The following DTNB variants were observed in gnomAD, a reference collection of about 807,000 sequenced individuals.
DTNB encodes the protein DTN-B.
DTNB carries 63 observed loss-of-function variants against 90.7 expected under a neutral mutation model. The observed-to-expected ratio is 0.69, with a 90% confidence interval of 0.57 to 0.86. The LOEUF (loss-of-function observed/expected upper bound fraction) is 0.86, where lower values mean the gene tolerates loss of function less well. DTNB is among the 40% of genes least tolerant of loss of function. The probability of loss-of-function intolerance (pLI) is 0.00; values close to 1 mark genes in which losing one functional copy is unlikely to be tolerated. For missense variants in DTNB, 744 were observed against 807.1 expected (o/e 0.92, Z 0.95); for synonymous variants, 277 against 286.7 (o/e 0.97, Z 0.34).
chr2:25,599,688 A>G (rs916641286), intron 5 of DTNB, among the ~76,000 whole-genome samples: 3 of 152,180 alleles, frequency 2.0e-5, no homozygotes, highest in African/African-American at 4.8e-5. Flanking sequence ...GTTAGAAACA[A>G]TATTTGACCA....
chr2:25,452,568 C>G (rs2059439455), intron 11 of DTNB, among the ~76,000 whole-genome samples: 1 of 152,070 alleles, frequency 6.6e-6, no homozygotes, highest in Admixed American at 6.6e-5. Flanking sequence ...TCCAAAAACC[C>G]TTGATCAGAG....
chr2:25,518,562 G>A (rs192514099), intron 9 of DTNB, among the ~76,000 whole-genome samples: 32 of 143,518 alleles, frequency 2.2e-4, no homozygotes, highest in Admixed American at 1.6e-3. Context: ...GCAAGTTCCC[G>A]TCTCCCTCAC....
chr2:25,485,924 C>A (rs189125073), intron 9 of DTNB, among the ~76,000 whole-genome samples: 8 of 151,870 alleles, frequency 5.3e-5, no homozygotes, highest in Admixed American at 3.3e-4. Context: ...GAGTTCAAGA[C>A]CAGCCTGGCC....
At chr2:25,530,069 GA>G (rs2077871509) in intron 9 of DTNB, among the ~76,000 whole-genome samples, 1 of 152,118 alleles carries the variant, frequency 6.6e-6, no homozygotes, top group African/African-American at 2.4e-5. Context: ...ATATAATTAT[GA>G]AAAACAGGGA....
chr2:25,567,956 C>A (rs183707359), intron 8 of DTNB, among the ~76,000 whole-genome samples: 62 of 152,190 alleles, frequency 4.1e-4, no homozygotes, highest in South Asian at 1.2e-3. Context: ...GTCAAGAGAT[C>A]GAGACCATCC....
intron 12 of DTNB, among the ~76,000 whole-genome samples, chr2:25,446,933 T>C (rs2058515880): frequency 6.6e-6 from 1 of 152,198 alleles, no homozygotes; most frequent in Non-Finnish European, 1.5e-5. Flanking sequence ...TTCTGTGTTG[T>C]GTTTTGGAAA....
intron 4 of DTNB, among the ~76,000 whole-genome samples, chr2:25,618,218 T>C (rs902471923): frequency 6.6e-6 from 1 of 152,166 alleles, no homozygotes; most frequent in Non-Finnish European, 1.5e-5. Flanking sequence ...CTAATGTTTC[T>C]TTAGAGCCCC....
At chr2:25,594,331 A>G (rs2064151499) in intron 6 of DTNB, among the ~76,000 whole-genome samples, 1 of 152,268 alleles carries the variant, frequency 6.6e-6, no homozygotes, top group African/African-American at 2.4e-5. Context: ...TAGTGCATAG[A>G]GGCAAATCTG....
intron 8 of DTNB, among the ~76,000 whole-genome samples, chr2:25,563,973 C>T (rs1465850968): frequency 1.3e-5 from 2 of 152,168 alleles, no homozygotes; most frequent in Admixed American, 6.5e-5. Context: ...GCGATCTCAG[C>T]TTACTGCAAG....
chr2:25,392,864 A>T (rs1237793717), intron 16 of DTNB, among the ~76,000 whole-genome samples: 1 of 152,216 alleles, frequency 6.6e-6, no homozygotes, highest in Non-Finnish European at 1.5e-5. Flanking sequence ...CAAAAGATAG[A>T]AAAAGAGGGA....
rs573595016 is a variant in DTNB at position 25,479,089 on chromosome 2, G to A, written c.1079+3707C>T. ...GATTTTAATACTTGGAACTAAAGGA[G>A]ACATAATATTAATATACCAACTGAA... On this transcript the variant is annotated intron_variant, in intron 10 of 20. Transcript: ENST00000406818. 3.9e-5 allele frequency among the ~76,000 whole-genome samples: 6 copies of A among 152,292 alleles called. No homozygotes were observed. In the South Asian group the frequency reaches 8.3e-4, roughly 21 times the overall value.
rs78850507 is a variant in DTNB, at chr2:25,410,417, G to A, written c.1575+9098C>T. The stretch of plus-strand genomic sequence containing the variant: ...TGTTAGGTGCTCAGGGAGTTTTGGG[G>A]GAGTGAAATACAAACACCCATCCCC... On this transcript the variant is annotated intron_variant, in intron 16 of 20. Coordinates refer to ENST00000406818, the MANE Select transcript of DTNB (RefSeq NM_021907.5). 8.1e-3 allele frequency among the ~76,000 whole-genome samples: 1,232 copies of A among 152,206 alleles called. 19 individuals carry two copies. The highest frequency in any genetic ancestry group is 0.028 in the African/African-American group (1,183 of 41,522).
intron 9 of DTNB, among the ~76,000 whole-genome samples, chr2:25,511,032 A>G (rs2073830283): frequency 6.6e-6 from 1 of 152,198 alleles, no homozygotes; most frequent in South Asian, 2.1e-4. Flanking sequence ...ACATGCTTCT[A>G]CGCTGATTTT....
At chr2:25,545,813 G>A (rs1326549506) in intron 8 of DTNB, among the ~76,000 whole-genome samples, 1 of 152,140 alleles carries the variant, frequency 6.6e-6, no homozygotes, top group Non-Finnish European at 1.5e-5. Flanking sequence ...GTAGAGATGG[G>A]GTTTCACCAT....
chr2:25,414,455 C>T (rs1459317301), intron 16 of DTNB, among the ~76,000 whole-genome samples: 7 of 152,116 alleles, frequency 4.6e-5, no homozygotes, highest in Admixed American at 2.6e-4. Context: ...AGGGTTTCAC[C>T]GTGTTAGCCA....
At chr2:25,625,900 G>C (rs1036569057) in intron 4 of DTNB, among the ~76,000 whole-genome samples, 2 of 152,114 alleles carry the variant, frequency 1.3e-5, no homozygotes, top group African/African-American at 2.4e-5. Flanking sequence ...TCATGAACGG[G>C]ATTAGTGCCC....
chr2:25,466,843 T>C (rs762501717), intron 10 of DTNB, among the ~76,000 whole-genome samples: 3 of 152,242 alleles, frequency 2.0e-5, no homozygotes, highest in Non-Finnish European at 4.4e-5. Context: ...CGAACGCTGT[T>C]GTTTCTCCTC....
intron 15 of DTNB, among the ~76,000 whole-genome samples, chr2:25,421,680 A>G (rs1473421295): frequency 1.3e-5 from 2 of 152,252 alleles, no homozygotes; most frequent in African/African-American, 2.4e-5. Context: ...ATCCGAGGTC[A>G]AAAGACCAGT....
At chr2:25,552,038 A>G (rs1572468938) in intron 8 of DTNB, among the ~76,000 whole-genome samples, 1 of 152,272 alleles carries the variant, frequency 6.6e-6, no homozygotes, top group South Asian at 2.1e-4. Flanking sequence ...GGTAGAAAAC[A>G]TAACTGCTCA....
Sources: allele counts gnomAD v4.1 joint callset (sites outside exome capture counted in the v4.1 genomes callset), GRCh38; gene constraint gnomAD v4.1.1; transcripts MANE v1.5; gene names NCBI Gene and HGNC (gene_info 2026-07-23, HGNC 2026-07-21).